The following DACH2 variants were observed in gnomAD, a reference collection of about 807,000 sequenced individuals.
The protein encoded by DACH2 is dachshund homolog 2.
DACH2 carries 17 observed loss-of-function variants against 35.8 expected under a neutral mutation model. The ratio of observed to expected loss-of-function variants is 0.48; its 90% CI spans 0.33 to 0.71. The LOEUF (loss-of-function observed/expected upper bound fraction) is 0.71, where lower values mean the gene tolerates loss of function less well. Among genes scored for constraint, DACH2 ranks in the 30% least tolerant of loss-of-function variants. DACH2 has a pLI of 0.02. For synonymous variants in DACH2, 195 were observed against 177.3 expected (o/e 1.10, Z -0.79); for missense variants, 469 against 472.7 (o/e 0.99, Z 0.07).
intron 1 of DACH2, among the ~76,000 whole-genome samples, chrX:86,198,941 A>G (rs2032068107): frequency 2.7e-5 from 3 of 110,594 alleles, no homozygotes. Context: ...CTGATATCAA[A>G]ACATGGCAGA....
chrX:86,773,059 C>G (rs992666228), intron 7 of DACH2, among the ~76,000 whole-genome samples: 1 of 111,465 alleles, frequency 9.0e-6, no homozygotes. Flanking sequence ...TCCACAAATC[C>G]AACCTTAAAT....
At chrX:86,788,949 G>T (rs2042163118) in intron 7 of DACH2, among the ~76,000 whole-genome samples, 2 of 111,498 alleles carry the variant, frequency 1.8e-5, no homozygotes, top group South Asian at 7.5e-4. Context: ...ACTTTCTCCT[G>T]ATTTGTCCTT....
intron 4 of DACH2, among the ~76,000 whole-genome samples, chrX:86,673,694 G>A (rs1013152976): frequency 1.6e-4 from 18 of 111,233 alleles, no homozygotes; most frequent in Non-Finnish European, 3.2e-4. Flanking sequence ...AGGGGCCGGG[G>A]GCAGAATGAT....
intron 4 of DACH2, among the ~76,000 whole-genome samples, chrX:86,693,036 C>T (rs1386009557): frequency 8.9e-6 from 1 of 112,306 alleles, no homozygotes; most frequent in Non-Finnish European, 1.9e-5. Flanking sequence ...TATGTCAATG[C>T]ACCAAACCAT....
intron 2 of DACH2, among the ~76,000 whole-genome samples, chrX:86,429,747 G>A (rs982667947): frequency 1.7e-4 from 19 of 110,255 alleles, no homozygotes; most frequent in African/African-American, 5.0e-4. Context: ...ATTTTTAGTA[G>A]AGATGAGGTT....
intron 1 of DACH2, chrX:86,262,988 T>G (rs1420840043): frequency 1.3e-6 from 1 of 752,014 alleles, no homozygotes; most frequent in Non-Finnish European, 1.6e-6. Flanking sequence ...AAAGCACTCT[T>G]AGTTGCAGCC....
chrX:86,521,382 G>A (rs1316714444), intron 3 of DACH2, among the ~76,000 whole-genome samples: 1 of 111,270 alleles, frequency 9.0e-6, no homozygotes. Flanking sequence ...TGTGTCTTGG[G>A]GATGATCTTG....
At chrX:86,676,649 A>G (rs1188683589) in intron 4 of DACH2, among the ~76,000 whole-genome samples, 1 of 112,139 alleles carries the variant, frequency 8.9e-6, no homozygotes, top group Non-Finnish European at 1.9e-5. Context: ...TATATGACAC[A>G]GCTCAGATAA....
At chrX:86,395,404 T>C (rs1403074836) in intron 2 of DACH2, among the ~76,000 whole-genome samples, 1 of 111,250 alleles carries the variant, frequency 9.0e-6, no homozygotes, top group Non-Finnish European at 1.9e-5. Context: ...ATTATTATTA[T>C]ACTTTAAGTT....
rs775753972 is a variant in DACH2 at position 86,567,007 on chromosome X, G to A, written c.640+52616G>A. The stretch of plus-strand genomic sequence containing the variant: ...ACTCCGTTGACCAAACATGTACAGA[G>A]TGACTACTATATGTCAAGAAATGTG... On this transcript the variant is annotated intron_variant, in intron 3 of 11. Coordinates refer to ENST00000373125, the MANE Select transcript of DACH2 (RefSeq NM_053281.3). Among the ~76,000 whole-genome samples the A allele has an allele frequency of 3.6e-5, 4 of 111,735 alleles. 1 individual carries two copies. Among genetic ancestry groups the A allele is most frequent in the African/African-American group, 1.3e-4 (4 of 30,839 alleles).
intron 7 of DACH2, among the ~76,000 whole-genome samples, chrX:86,762,093 G>A (rs767935730): frequency 9.0e-6 from 1 of 111,342 alleles, no homozygotes; most frequent in Non-Finnish European, 1.9e-5. Flanking sequence ...AGCCTTTCAA[G>A]AAATTACTTT....
Position 86,148,689 on chromosome X carries a change from C to T in DACH2, c.69C>T (p.Phe23=). The change falls in exon 1 of 12, where the codon TTC becomes TTT. Residue 23 remains phenylalanine, a synonymous_variant. Coordinates refer to ENST00000373125, the MANE Select transcript of DACH2 (RefSeq NM_053281.3). ...SSGAGVPGGL[F]RAEPLYSTPR... Reference sequence around the variant, plus strand: ...GCGCCGGCGTCCCGGGGGGCTTATTCCGGGCCGAACCCCTGTACTCGACTC... The same window carrying T: ...GCGCCGGCGTCCCGGGGGGCTTATTTCGGGCCGAACCCCTGTACTCGACTC... The T allele has an allele frequency of 8.3e-7, 1 of 1,207,845 alleles. No homozygotes were observed. The highest frequency in any genetic ancestry group is 1.1e-6 in the Non-Finnish European group (1 of 893,593).
chrX:86,828,262 A>G (rs2042580572), intron 11 of DACH2: 2 of 114,990 alleles, frequency 1.7e-5, no homozygotes, highest in Admixed American at 1.8e-4. Context: ...TCATTTGTGC[A>G]AATGATCGAT....
At position 86,714,617 on chromosome X, in the gene DACH2, C is replaced by G; in HGVS notation, c.1001C>G (p.Ala334Gly). 8.3e-7 allele frequency: 1 copy of G among 1,209,057 alleles called. No homozygotes were observed. Among genetic ancestry groups the G allele is most frequent in the Non-Finnish European group, 1.1e-6 (1 of 893,546 alleles). The change falls in exon 6 of 12, where the codon GCC (alanine) becomes GGC (glycine). Residue 334 changes from alanine to glycine, a missense_variant. Transcript: ENST00000373125. ...GTCAGCTTACCTCCTGCATCAGTTGCCATGGCAATGAATCAGATGAACCAT... is the reference window on the plus strand; with the variant it reads ...GTCAGCTTACCTCCTGCATCAGTTGGCATGGCAATGAATCAGATGAACCAT... ...LPVSLPPASV[A>G]MAMNQMNHLN...
chrX:86,561,901 TAA>T (rs60538249), intron 3 of DACH2, among the ~76,000 whole-genome samples: 1,139 of 64,996 alleles, frequency 0.018, 19 homozygotes, highest in African/African-American at 0.042. Context: ...AAAGTAGAAT[TAA>T]AAAAAAAAAA....
intron 3 of DACH2, among the ~76,000 whole-genome samples, chrX:86,577,599 A>C (rs368630681): frequency 8.9e-6 from 1 of 111,905 alleles, no homozygotes; most frequent in East Asian, 2.8e-4. Flanking sequence ...GCATACAACT[A>C]CTAAAATCCT....
chrX:86,533,430 A>G (rs2038752647), intron 3 of DACH2, among the ~76,000 whole-genome samples: 1 of 111,876 alleles, frequency 8.9e-6, no homozygotes, highest in African/African-American at 3.2e-5. Context: ...ATCATCTCTG[A>G]TAACTTCTTT....
intron 1 of DACH2, among the ~76,000 whole-genome samples, chrX:86,259,050 T>C (rs1391364357): frequency 8.9e-6 from 1 of 111,939 alleles, no homozygotes. Flanking sequence ...AATGAAATGC[T>C]TAATGGAAAC....
At chrX:86,487,187 A>G (rs1038835363) in intron 2 of DACH2, among the ~76,000 whole-genome samples, 1 of 111,717 alleles carries the variant, frequency 9.0e-6, no homozygotes, top group Non-Finnish European at 1.9e-5. Flanking sequence ...GGTTGCCCCA[A>G]CTTTCACAGA....
Sources: gnomAD v4.1 joint callset for allele counts (sites outside exome capture counted in the v4.1 genomes callset) on GRCh38, gnomAD v4.1.1 for gene constraint, MANE v1.5 for transcripts, NCBI Gene and HGNC (gene_info 2026-07-23, HGNC 2026-07-21) for gene names.